SMTN: variants seen among roughly 807,000 people sequenced by gnomAD.
SMTN encodes smoothelin.
A neutral mutation model predicts 102.0 loss-of-function variants in SMTN; 58 were observed. That is an observed-to-expected ratio of 0.57 (90% CI 0.46 to 0.71). The LOEUF is 0.71. SMTN is among the 30% of genes least tolerant of loss of function. The probability of loss-of-function intolerance (pLI) is 0.00; values close to 1 mark genes in which losing one functional copy is unlikely to be tolerated. For synonymous variants in SMTN, 478 were observed against 497.9 expected (o/e 0.96, Z 0.53); for missense variants, 1,185 against 1,241.7 (o/e 0.95, Z 0.69).
chr22:31,079,449 G>A (rs1258984017), upstream of SMTN, among the ~76,000 whole-genome samples: 4 of 152,374 alleles, frequency 2.6e-5, no homozygotes, highest in African/African-American at 9.6e-5. Context: ...CTAGCCTACA[G>A]TAGGGCAGGG....
At chr22:31,080,053 G>A (rs1468496043), upstream of SMTN, among the ~76,000 whole-genome samples, 22 of 152,214 alleles carry the variant, frequency 1.4e-4, no homozygotes, top group Non-Finnish European at 4.4e-5. Flanking sequence ...ATGAGCCACC[G>A]CACCTGGCCC....
At chr22:31,093,508 C>T (rs185449736) in intron 11 of SMTN, 9 of 669,636 alleles carry the variant, frequency 1.3e-5, no homozygotes, top group East Asian at 2.8e-5. Flanking sequence ...GCAGTTGGGC[C>T]GGGCACTGGA....
chr22:31,104,286 G>T (rs1433676323), intron 20 of SMTN, 30 bp from the exon 21 acceptor site: 1 of 1,609,076 alleles, frequency 6.2e-7, no homozygotes, highest in Non-Finnish European at 8.5e-7. Flanking sequence ...GTCTGGCGCT[G>T]ACATCCAACC....
intron 1 of SMTN, chr22:31,082,389 G>A (rs1410063803): frequency 1.2e-5 from 5 of 406,574 alleles, no homozygotes; most frequent in Non-Finnish European, 2.6e-5. Context: ...GGCCCTTGAG[G>A]GCACTTTGGA....
At chr22:31,083,504 T>TACTGA in intron 2 of SMTN, 195 bp downstream of exon 2, 1 of 636,472 alleles carries the variant, frequency 1.6e-6, no homozygotes. Context: ...CCATGCCTGG[T>TACTGA]ACTGAAGCCT....
chr22:31,094,324 G>A (rs1444804515), intron 11 of SMTN, among the ~76,000 whole-genome samples: 1 of 152,242 alleles, frequency 6.6e-6, no homozygotes, highest in Non-Finnish European at 1.5e-5. Context: ...GAGGCAGGGG[G>A]AGGTGGTACA....
intron 11 of SMTN, chr22:31,093,602 C>T: frequency 1.3e-6 from 1 of 755,226 alleles, no homozygotes; most frequent in East Asian, 2.5e-5. Context: ...GAGCCGGTGG[C>T]CCGGGCAGCT....
At chr22:31,084,868 C>T in intron 2 of SMTN, 7 of 963,888 alleles carry the variant, frequency 7.3e-6, no homozygotes, top group Non-Finnish European at 8.5e-6. Context: ...GCCATTACTG[C>T]GCCCCGCGCG....
At position 31,104,545 on chromosome 22, in the gene SMTN, C is replaced by T; in HGVS notation, c.*250C>T. 1 of 1,433,606 alleles carries T rather than the reference C, an allele frequency of 7.0e-7. No individual in the cohort carries two copies. Among genetic ancestry groups the T allele is most frequent in the South Asian group, 1.2e-5 (1 of 85,760 alleles). 88.8% of individuals were successfully genotyped at this position (1,433,606 alleles called of 1,614,324 possible). A position where few individuals can be genotyped will look rare whatever the true frequency, so the allele number is the denominator to read the frequency against. On this transcript the variant is annotated 3_prime_UTR_variant, in exon 21 of 21. Transcript: ENST00000333137. Reference sequence around the variant, plus strand: ...CACCGTCTCCTGCCTGTGCGTCCGCCCACCGCTGCCCTGTCTGTTGCGACA... The same window carrying T: ...CACCGTCTCCTGCCTGTGCGTCCGCTCACCGCTGCCCTGTCTGTTGCGACA...
chr22:31,081,885 C>CCACT (rs1278887457), intron 1 of SMTN, among the ~76,000 whole-genome samples: 7 of 152,298 alleles, frequency 4.6e-5, no homozygotes, highest in African/African-American at 1.7e-4. Flanking sequence ...AGGCTGGTGA[C>CCACT]CACTGGACAG....
intron 1 of SMTN, among the ~76,000 whole-genome samples, chr22:31,069,741 T>A (rs2041953461): frequency 6.6e-6 from 1 of 152,082 alleles, no homozygotes; most frequent in Admixed American, 6.5e-5. Context: ...TGTGCTAGGA[T>A]GGGGGACACA....
chr22:31,069,714 A>G (rs1287371258), intron 1 of SMTN, among the ~76,000 whole-genome samples: 1 of 152,164 alleles, frequency 6.6e-6, no homozygotes, highest in African/African-American at 2.4e-5. Flanking sequence ...TTGAGCACCT[A>G]ACTGTGTGCA....
At chr22:31,084,266 C>T (rs1456279730) in intron 2 of SMTN, among the ~76,000 whole-genome samples, 1 of 152,240 alleles carries the variant, frequency 6.6e-6, no homozygotes, top group East Asian at 1.9e-4. Flanking sequence ...GTCCCTGACC[C>T]TTGTCCATGG....
At chr22:31,073,210 T>C (rs7292982) in intron 1 of SMTN, among the ~76,000 whole-genome samples, 35,071 of 151,454 alleles carry the variant, frequency 0.23, 5,332 homozygotes, top group African/African-American at 0.43. Flanking sequence ...TTAACACACA[T>C]GCCCCTCCAA....
At chr22:31,077,935 G>A (rs1285327217), upstream of SMTN, among the ~76,000 whole-genome samples, 2 of 152,166 alleles carry the variant, frequency 1.3e-5, no homozygotes, top group African/African-American at 4.8e-5. Context: ...AAGGAGGAAG[G>A]TCATACCCCT....
chr22:31,093,233 T>G, intron 11 of SMTN: 3 of 248,250 alleles, frequency 1.2e-5, no homozygotes, highest in Non-Finnish European at 2.4e-5. Flanking sequence ...AGGCCCCCCC[T>G]CCCCCACTGC....
chr22:31,085,042 C>T, intron 2 of SMTN: 2 of 1,515,570 alleles, frequency 1.3e-6, no homozygotes, highest in Middle Eastern at 2.2e-4. Context: ...CCGGCCCCGG[C>T]TCCCGCACAT....
chr22:31,078,527 C>G (rs956614352), upstream of SMTN, among the ~76,000 whole-genome samples: 1 of 152,242 alleles, frequency 6.6e-6, no homozygotes, highest in Non-Finnish European at 1.5e-5. Flanking sequence ...AGGCCCAGGC[C>G]TCTCTGGTGC....
intron 2 of SMTN, among the ~76,000 whole-genome samples, chr22:31,087,579 G>T (rs977573496): frequency 6.6e-6 from 1 of 152,186 alleles, no homozygotes; most frequent in Non-Finnish European, 1.5e-5. Context: ...TCCCTCTAGG[G>T]ACCCTGTTAG....
Sources: gnomAD v4.1 joint callset for allele counts (sites outside exome capture counted in the v4.1 genomes callset) on GRCh38, gnomAD v4.1.1 for gene constraint, MANE v1.5 for transcripts, NCBI Gene and HGNC (gene_info 2026-07-23, HGNC 2026-07-21) for gene names.